Variants in ATP6V0A1 observed in about 807,000 individuals in gnomAD.
ATP6V0A1 encodes the protein V-type proton ATPase 116 kDa subunit a 1.
In ATP6V0A1, 43 loss-of-function variants were observed where a neutral mutation model predicts 105.4. The ratio of observed to expected loss-of-function variants is 0.41; its 90% CI spans 0.32 to 0.53. ATP6V0A1 has a LOEUF of 0.53. Ranked by LOEUF, ATP6V0A1 falls within the 20% of genes least tolerant of loss-of-function variation. ATP6V0A1 has a pLI of 0.30. For synonymous variants in ATP6V0A1, 362 were observed against 372.8 expected, an observed-to-expected ratio of 0.97 and a Z score of 0.33; for missense variants, 676 against 1,051.1, an observed-to-expected ratio of 0.64 and a Z score of 4.93.
At chr17:42,495,945 G>T in intron 14 of ATP6V0A1, 1 of 397,828 alleles carries the variant, frequency 2.5e-6, no homozygotes, top group Non-Finnish European at 4.6e-6. Context: ...GGTGGCGCAT[G>T]CCTGTAGTCC....
intron 3 of ATP6V0A1, among the ~76,000 whole-genome samples, chr17:42,467,712 A>C (rs1338457677): frequency 6.6e-6 from 1 of 152,126 alleles, no homozygotes; most frequent in Non-Finnish European, 1.5e-5. Context: ...TCGCGTATGG[A>C]GGAGAGGTGT....
intron 3 of ATP6V0A1, among the ~76,000 whole-genome samples, chr17:42,467,125 C>A (rs935736213): frequency 6.9e-6 from 1 of 145,030 alleles, no homozygotes; most frequent in African/African-American, 2.6e-5. Flanking sequence ...CCAGCCTGGG[C>A]GACAGAGCGA....
At position 42,483,117 on chromosome 17, in the gene ATP6V0A1, G is replaced by T; in HGVS notation, c.796G>T (p.Asp266Tyr). The change falls in exon 9 of 22, where the codon GAT (aspartate) becomes TAT (tyrosine). Residue 266 changes from aspartate (D) to tyrosine (Y), a missense_variant. Physicochemically the swap from Asp to Tyr is radical, Grantham distance 160. Transcript: ENST00000343619. The stretch of plus-strand genomic sequence containing the variant: ...GGCTTCTGGAGTGAATACCAGGATT[G>T]ATGATCTCCAAATGGTATGCAGAAG... ...EMASGVNTRI[D>Y]DLQMVLNQTE... is the part of the protein sequence containing the mutation. 6.5e-7 allele frequency: 1 copy of T among 1,542,958 alleles called. No individual in the cohort carries two copies. The highest frequency in any genetic ancestry group is 8.8e-7 in the Non-Finnish European group (1 of 1,139,980).
intron 12 of ATP6V0A1, 52 bp from the exon 13 acceptor site, chr17:42,494,982 A>G: frequency 3.8e-6 from 6 of 1,559,796 alleles, no homozygotes; most frequent in Non-Finnish European, 4.4e-6. Context: ...ACATTGTCAC[A>G]ATGTGAGCTG....
At chr17:42,477,889 C>A in intron 6 of ATP6V0A1, 147 bp downstream of exon 6, 1 of 664,664 alleles carries the variant, frequency 1.5e-6, no homozygotes, top group South Asian at 2.4e-5. Flanking sequence ...TGGATTCATG[C>A]CTGAGTTGCT....
chr17:42,485,247 C>CAG, intron 9 of ATP6V0A1, among the ~76,000 whole-genome samples: 1 of 152,116 alleles, frequency 6.6e-6, no homozygotes, highest in African/African-American at 2.4e-5. Flanking sequence ...CCTGTTTAAG[C>CAG]AGAGAGAGAG....
chr17:42,468,971 G>C (rs1352158869), intron 4 of ATP6V0A1, among the ~76,000 whole-genome samples: 1 of 151,940 alleles, frequency 6.6e-6, no homozygotes, highest in East Asian at 1.9e-4. Context: ...TCAGCCTCCA[G>C]AGTAGCTGAG....
intron 15 of ATP6V0A1, among the ~76,000 whole-genome samples, 184 bp downstream of exon 15, chr17:42,499,226 T>G (rs1392987435): frequency 6.6e-6 from 1 of 152,208 alleles, no homozygotes; most frequent in Admixed American, 6.5e-5. Context: ...ATCCCAGTAC[T>G]TTGGGAGGCC....
At chr17:42,480,037 C>T (rs920736711) in intron 7 of ATP6V0A1, among the ~76,000 whole-genome samples, 1 of 152,212 alleles carries the variant, frequency 6.6e-6, no homozygotes, top group African/African-American at 2.4e-5. Flanking sequence ...TATAAAAGCT[C>T]TACATGCTGT....
intron 10 of ATP6V0A1, among the ~76,000 whole-genome samples, chr17:42,489,141 C>T (rs1438961000): frequency 6.0e-5 from 9 of 148,960 alleles, no homozygotes; most frequent in Non-Finnish European, 8.9e-5. Flanking sequence ...GGCATGATCT[C>T]GGCTCACTGC....
At chr17:42,491,971 C>T (rs532295932) in intron 11 of ATP6V0A1, among the ~76,000 whole-genome samples, 1 of 152,294 alleles carries the variant, frequency 6.6e-6, no homozygotes, top group East Asian at 1.9e-4. Context: ...ATTGCTTAAG[C>T]CCAGGATTTC....
At chr17:42,488,771 T>C (rs868091968) in intron 10 of ATP6V0A1, among the ~76,000 whole-genome samples, 9 of 36,406 alleles carry the variant, frequency 2.5e-4, no homozygotes, top group Admixed American at 3.9e-4. Context: ...TCCAGCACTT[T>C]GGGAGGTTGA....
At chr17:42,470,395 C>G in intron 5 of ATP6V0A1, 177 bp downstream of exon 5, 1 of 703,412 alleles carries the variant, frequency 1.4e-6, no homozygotes, top group Non-Finnish European at 2.2e-6. Context: ...AGTACACAAC[C>G]AGCCATGGTT....
intron 14 of ATP6V0A1, among the ~76,000 whole-genome samples, chr17:42,498,628 C>T (rs1176073954): frequency 6.6e-6 from 1 of 151,968 alleles, no homozygotes; most frequent in Non-Finnish European, 1.5e-5. Context: ...GAATCGAGAC[C>T]ATCCTGGCTA....
intron 2 of ATP6V0A1, among the ~76,000 whole-genome samples, chr17:42,463,649 GT>G: frequency 1.3e-5 from 2 of 151,946 alleles, no homozygotes; most frequent in Middle Eastern, 6.8e-3. Flanking sequence ...CTTTTTTTTA[GT>G]TTACAAGTTT....
Position 42,478,567 on chromosome 17 carries a change from A to AC in ATP6V0A1, c.616dup (p.Leu206ProfsTer33), listed in dbSNP as rs1317188501. 6.3e-7 allele frequency: 1 copy of AC among 1,598,340 alleles called. No homozygotes were observed. On this transcript the variant is annotated frameshift_variant, in exon 7 of 22. Transcript: ENST00000343619. LOFTEE classifies it high-confidence loss of function. ...TTCCTGCGACAGGCTGAAATCGAGA[A>AC]CCCCCTGGAGGATCCTGTGACTGTA... is the stretch of plus-strand genomic sequence containing the variant.
At chr17:42,484,182 C>T (rs994321520) in intron 9 of ATP6V0A1, among the ~76,000 whole-genome samples, 9 of 151,950 alleles carry the variant, frequency 5.9e-5, no homozygotes, top group Admixed American at 2.0e-4. Context: ...CTCAGCCTCT[C>T]GAGTAGCTGG....
At chr17:42,492,073 G>GAGGT (rs2090695080) in intron 11 of ATP6V0A1, among the ~76,000 whole-genome samples, 1 of 152,150 alleles carries the variant, frequency 6.6e-6, no homozygotes, top group South Asian at 2.1e-4. Flanking sequence ...TCCCTGTGAA[G>GAGGT]AGGTGCTCAT....
At chr17:42,491,845 C>T (rs1385569055) in intron 11 of ATP6V0A1, among the ~76,000 whole-genome samples, 1 of 151,906 alleles carries the variant, frequency 6.6e-6, no homozygotes, top group Non-Finnish European at 1.5e-5. Context: ...TCTCGATCTC[C>T]TGACCTCATG....
Sources: gnomAD v4.1 joint callset for allele counts (sites outside exome capture counted in the v4.1 genomes callset) on GRCh38, gnomAD v4.1.1 for gene constraint, MANE v1.5 for transcripts, NCBI Gene and HGNC (gene_info 2026-07-23, HGNC 2026-07-21) for gene names.